Variants in RGS6 observed in about 807,000 individuals in gnomAD.
The protein encoded by RGS6 is regulator of G protein signaling 6, also known as regulator of G-protein signaling 6.
RGS6 carries 30 observed loss-of-function variants against 78.5 expected under a neutral mutation model. That is an observed-to-expected ratio of 0.38 (90% confidence interval 0.29 to 0.52). The LOEUF (loss-of-function observed/expected upper bound fraction) is 0.52, where lower values mean the gene tolerates loss of function less well. RGS6 is among the 20% of genes least tolerant of loss of function. The pLI is 0.85. For missense variants in RGS6, 495 were observed against 609.7 expected (o/e 0.81, Z 1.98); for synonymous variants, 206 against 206.0 (o/e 1.00, Z 0.00).
intron 17 of RGS6, among the ~76,000 whole-genome samples, chr14:72,561,133 G>T (rs1368930960): frequency 6.6e-6 from 1 of 152,094 alleles, no homozygotes; most frequent in Non-Finnish European, 1.5e-5. Flanking sequence ...TCATCAATCA[G>T]CAGGTTTATT....
At chr14:72,399,353 AC>A (rs2092020550) in intron 3 of RGS6, among the ~76,000 whole-genome samples, 1 of 151,838 alleles carries the variant, frequency 6.6e-6, no homozygotes, top group Non-Finnish European at 1.5e-5. Context: ...TAGGATTGCA[AC>A]CCCTGCCTTT....
chr14:71,968,819 A>C (rs2093657556), intron 2 of RGS6, among the ~76,000 whole-genome samples: 1 of 152,210 alleles, frequency 6.6e-6, no homozygotes, highest in South Asian at 2.1e-4. Flanking sequence ...TTAATGTCTC[A>C]CTTTTTTATT....
chr14:72,450,584 C>A (rs955774667), intron 3 of RGS6, among the ~76,000 whole-genome samples: 3 of 152,166 alleles, frequency 2.0e-5, no homozygotes, highest in Admixed American at 6.5e-5. Flanking sequence ...GGCCATCCTG[C>A]ATTTGTTATG....
At chr14:72,008,818 T>C (rs762550782) in intron 2 of RGS6, among the ~76,000 whole-genome samples, 5 of 152,164 alleles carry the variant, frequency 3.3e-5, no homozygotes, top group African/African-American at 4.8e-5. Context: ...TGAGATACTA[T>C]GTAGAAAAAA....
chr14:72,232,203 G>T (rs1413438278), intron 2 of RGS6, among the ~76,000 whole-genome samples: 1 of 152,200 alleles, frequency 6.6e-6, no homozygotes, highest in African/African-American at 2.4e-5. Flanking sequence ...GGACCCTAGA[G>T]CAGCATGTCT....
At chr14:71,906,268 C>A in the RGS6 span, among the ~76,000 whole-genome samples, 4 of 152,200 alleles carry the variant, frequency 2.6e-5, no homozygotes, top group African/African-American at 9.7e-5. Context: ...TCCAAAGCAC[C>A]AGCTGCTGAA....
the RGS6 span, among the ~76,000 whole-genome samples, chr14:72,579,649 C>G: frequency 6.6e-6 from 1 of 152,124 alleles, no homozygotes; most frequent in Non-Finnish European, 1.5e-5. Flanking sequence ...TCCCTTAGAA[C>G]GCTGGCTGCT....
At chr14:72,430,205 T>A (rs1307555347) in intron 3 of RGS6, among the ~76,000 whole-genome samples, 1 of 152,198 alleles carries the variant, frequency 6.6e-6, no homozygotes, top group Non-Finnish European at 1.5e-5. Context: ...CAGCCATTCT[T>A]TAAAATAACC....
chr14:71,945,613 C>G (rs1159335518), intron 1 of RGS6, among the ~76,000 whole-genome samples: 1 of 152,160 alleles, frequency 6.6e-6, no homozygotes, highest in African/African-American at 2.4e-5. Flanking sequence ...TCATCTGACT[C>G]ATTGTCAAGA....
intron 2 of RGS6, among the ~76,000 whole-genome samples, chr14:72,040,887 T>C (rs2092340500): frequency 6.6e-6 from 1 of 152,204 alleles, no homozygotes; most frequent in Non-Finnish European, 1.5e-5. Flanking sequence ...TCAGTTGTTG[T>C]ATTCTTCAGC....
intron 2 of RGS6, among the ~76,000 whole-genome samples, chr14:72,273,097 ACTCCAGCCT>A (rs2060184025): frequency 6.6e-6 from 1 of 150,478 alleles, no homozygotes; most frequent in Non-Finnish European, 1.5e-5. Context: ...GTGCCATTGC[ACTCCAGCCT>A]CGGCTACAAG....
Position 72,143,233 on chromosome 14 carries a change from C to T in RGS6, c.84+178358C>T, listed in dbSNP as rs1021895394. ...AAATAAAATACGTAAATTAGTCAGGCGTGGTGGTGGGCGTCTGTAATCCCA... is the reference window on the plus strand; with the variant it reads ...AAATAAAATACGTAAATTAGTCAGGTGTGGTGGTGGGCGTCTGTAATCCCA... On this transcript the variant is annotated intron_variant, in intron 2 of 17. Transcript: ENST00000553525. 7.2e-5 allele frequency among the ~76,000 whole-genome samples: 11 copies of T among 152,054 alleles called. No homozygotes were observed. In the East Asian group the frequency reaches 1.2e-3, roughly 16 times the overall value.
At chr14:72,266,727 GA>G in intron 2 of RGS6, among the ~76,000 whole-genome samples, 1 of 152,318 alleles carries the variant, frequency 6.6e-6, no homozygotes, top group African/African-American at 2.4e-5. Context: ...GAACTAAACT[GA>G]TGGCCTTTTC....
intron 2 of RGS6, among the ~76,000 whole-genome samples, chr14:72,115,696 C>A (rs1053436415): frequency 1.3e-5 from 2 of 152,208 alleles, no homozygotes; most frequent in Admixed American, 1.3e-4. Flanking sequence ...AAGACTATAG[C>A]TACTGCTTCA....
intron 2 of RGS6, among the ~76,000 whole-genome samples, chr14:72,283,166 T>C (rs2061879999): frequency 6.6e-6 from 1 of 152,244 alleles, no homozygotes. Context: ...TCTTTATTCT[T>C]TCATCCATCA....
intron 2 of RGS6, among the ~76,000 whole-genome samples, chr14:72,336,115 G>A (rs896536063): frequency 6.6e-6 from 1 of 152,150 alleles, no homozygotes; most frequent in African/African-American, 2.4e-5. Context: ...TGACTTAATT[G>A]CAAAGTATCT....
rs1566940269 is a variant in RGS6, at chr14:72,476,734, T to G, written c.694-8T>G. 6.2e-7 allele frequency: 1 copy of G among 1,613,508 alleles called. No homozygotes were observed. On this transcript the variant is annotated splice_region_variant and splice_polypyrimidine_tract_variant and intron_variant, in intron 10 of 17. Transcript: ENST00000553525. The stretch of plus-strand genomic sequence containing the variant: ...TGGATGATCCTCTGTGCTTGCTTCT[T>G]CTCCTAGTCCGTGTATGGCGTGACT...
chr14:72,627,866 T>C, the RGS6 span, among the ~76,000 whole-genome samples: 10 of 152,220 alleles, frequency 6.6e-5, no homozygotes, highest in East Asian at 1.9e-3. Context: ...CATTTGTTGT[T>C]AAATATATCC....
At chr14:72,391,884 T>C (rs1397382244) in intron 3 of RGS6, among the ~76,000 whole-genome samples, 1 of 152,236 alleles carries the variant, frequency 6.6e-6, no homozygotes, top group Non-Finnish European at 1.5e-5. Flanking sequence ...TTGCTGAGAA[T>C]GTTAGTTTCC....
Sources: gnomAD v4.1 joint callset for allele counts (sites outside exome capture counted in the v4.1 genomes callset) on GRCh38, gnomAD v4.1.1 for gene constraint, MANE v1.5 for transcripts, NCBI Gene and HGNC (gene_info 2026-07-23, HGNC 2026-07-21) for gene names.